Variants in OSBPL8 observed in about 807,000 individuals in gnomAD.
The protein encoded by OSBPL8 is oxysterol-binding protein-related protein 8.
Under a neutral mutation model 125.5 loss-of-function variants are expected in OSBPL8, and 59 were observed. The ratio of observed to expected loss-of-function variants is 0.47; its 90% CI spans 0.38 to 0.58. OSBPL8 has a LOEUF of 0.58. OSBPL8 is among the 20% of genes least tolerant of loss of function. The pLI, the probability that OSBPL8 is intolerant of heterozygous loss-of-function variation, is 0.00. For missense variants in OSBPL8, 758 were observed against 1,047.8 expected, an observed-to-expected ratio of 0.72 and a Z score of 3.82; for synonymous variants, 330 against 338.9, an observed-to-expected ratio of 0.97 and a Z score of 0.29.
chr12:76,528,433 T>A (rs1179659915), intron 1 of OSBPL8, among the ~76,000 whole-genome samples: 3 of 152,122 alleles, frequency 2.0e-5, no homozygotes, highest in Non-Finnish European at 2.9e-5. Flanking sequence ...AGAGTTAGTT[T>A]TGATTACCAG....
chr12:76,467,893 G>T lies in OSBPL8; in HGVS notation c.43-7998C>A, dbSNP rs150935356. 3.2e-3 allele frequency among the ~76,000 whole-genome samples: 494 copies of T among 152,248 alleles called. 8 individuals are homozygous for T. Among genetic ancestry groups the T allele is most frequent in the African/African-American group, 0.011 (450 of 41,528 alleles). On this transcript the variant is annotated intron_variant, in intron 2 of 23. Transcript: ENST00000261183. ...TACGGTTTATTCAACACTAAGATAAGTGATCTCCAGTCTACCCAACATTAC... is the reference window on the plus strand; with the variant it reads ...TACGGTTTATTCAACACTAAGATAATTGATCTCCAGTCTACCCAACATTAC...
At chr12:76,408,773 A>G (rs960474061) in intron 5 of OSBPL8, among the ~76,000 whole-genome samples, 3 of 152,138 alleles carry the variant, frequency 2.0e-5, no homozygotes, top group Admixed American at 2.0e-4. Flanking sequence ...GCATAGTTCT[A>G]AAGCTTGTGG....
At chr12:76,422,779 T>C in intron 4 of OSBPL8, 2 of 317,006 alleles carry the variant, frequency 6.3e-6, no homozygotes, top group South Asian at 5.6e-5. Context: ...AACACACACA[T>C]TTAACAGCAA....
chr12:76,550,585 G>C (rs1018845145), intron 1 of OSBPL8, among the ~76,000 whole-genome samples: 1 of 152,148 alleles, frequency 6.6e-6, no homozygotes, highest in Non-Finnish European at 1.5e-5. Flanking sequence ...AATAGCTGAT[G>C]AGCTTTAAAA....
chr12:76,411,305 A>G (rs928272455), intron 4 of OSBPL8, among the ~76,000 whole-genome samples: 1 of 152,156 alleles, frequency 6.6e-6, no homozygotes, highest in African/African-American at 2.4e-5. Flanking sequence ...ACAAAGGTAC[A>G]ATTATATTGA....
At chr12:76,371,273 T>C (rs1952608621) in intron 19 of OSBPL8, 175 bp downstream of exon 19, 2 of 603,104 alleles carry the variant, frequency 3.3e-6, no homozygotes, top group Non-Finnish European at 4.9e-6. Flanking sequence ...GCAAGACGAT[T>C]TATATTATAT....
chr12:76,378,962 G>A (rs1247013122), intron 15 of OSBPL8, among the ~76,000 whole-genome samples: 1 of 152,022 alleles, frequency 6.6e-6, no homozygotes, highest in Non-Finnish European at 1.5e-5. Context: ...TAGAGACAGG[G>A]TTTCCCCATG....
At chr12:76,443,521 T>A (rs1321214537) in intron 4 of OSBPL8, among the ~76,000 whole-genome samples, 1 of 152,090 alleles carries the variant, frequency 6.6e-6, no homozygotes, top group Non-Finnish European at 1.5e-5. Flanking sequence ...TCTTTTTCAT[T>A]TTTTTGAGAC....
intron 3 of OSBPL8, among the ~76,000 whole-genome samples, chr12:76,455,016 C>T (rs372646383): frequency 6.6e-6 from 1 of 151,348 alleles, no homozygotes; most frequent in African/African-American, 2.4e-5. Flanking sequence ...TGGTGGATCA[C>T]GAGGTCAGGA....
chr12:76,468,874 A>G (rs1303499615), intron 2 of OSBPL8, among the ~76,000 whole-genome samples: 1 of 152,246 alleles, frequency 6.6e-6, no homozygotes, highest in Non-Finnish European at 1.5e-5. Context: ...TACTACCTAC[A>G]TGTAGCTATT....
chr12:76,544,454 GAAC>G (rs1950729827), intron 1 of OSBPL8, among the ~76,000 whole-genome samples: 1 of 152,142 alleles, frequency 6.6e-6, no homozygotes, highest in Non-Finnish European at 1.5e-5. Flanking sequence ...AGTGTTTGTT[GAAC>G]AATAGTGATA....
intron 7 of OSBPL8, 79 bp downstream of exon 7, chr12:76,399,794 C>T (rs1953973086): frequency 2.8e-6 from 3 of 1,063,488 alleles, no homozygotes; most frequent in South Asian, 3.6e-5. Flanking sequence ...GTCTTGTAGG[C>T]GTTAGGTATA....
intron 1 of OSBPL8, among the ~76,000 whole-genome samples, chr12:76,525,289 A>C (rs1420279433): frequency 2.6e-5 from 4 of 152,234 alleles, no homozygotes; most frequent in Non-Finnish European, 5.9e-5. Context: ...ATATATGAAA[A>C]AGAGTAAACA....
intron 1 of OSBPL8, among the ~76,000 whole-genome samples, chr12:76,546,625 T>C (rs1376516089): frequency 6.6e-6 from 1 of 152,070 alleles, no homozygotes; most frequent in Non-Finnish European, 1.5e-5. Flanking sequence ...ATCAAAATTA[T>C]AAACATAATA....
intron 5 of OSBPL8, among the ~76,000 whole-genome samples, chr12:76,405,450 C>A (rs1331879644): frequency 6.6e-6 from 1 of 152,068 alleles, no homozygotes; most frequent in Non-Finnish European, 1.5e-5. Context: ...TAAAGTGAGA[C>A]CTTGCCTTAA....
intron 21 of OSBPL8, 29 bp downstream of exon 21, chr12:76,369,185 C>G (rs768937580): frequency 2.5e-6 from 4 of 1,592,576 alleles, no homozygotes; most frequent in Non-Finnish European, 3.4e-6. Context: ...GATTTATATA[C>G]CTAGTGTACC....
In OSBPL8 at chr12:76,395,347, C is replaced by A. The variant is rs1294138163; in HGVS notation, c.673-618G>T. ...CACCAATGCTAAACTTAGGTAGACACGAATCTGGAAAGAAAACTAAGTACT... is the reference window on the plus strand; with the variant it reads ...CACCAATGCTAAACTTAGGTAGACAAGAATCTGGAAAGAAAACTAAGTACT... On this transcript the variant is annotated intron_variant, in intron 8 of 23. Coordinates refer to ENST00000261183, the MANE Select transcript of OSBPL8 (RefSeq NM_020841.5). Among the ~76,000 whole-genome samples, 6 of 152,096 alleles carry A rather than the reference C, an allele frequency of 3.9e-5. No homozygotes were observed. The South Asian group carries it at 1.0e-3, about 26-fold the overall frequency.
intron 1 of OSBPL8, among the ~76,000 whole-genome samples, chr12:76,509,405 A>G (rs1880753629): frequency 6.6e-6 from 1 of 152,210 alleles, no homozygotes; most frequent in South Asian, 2.1e-4. Flanking sequence ...AAAATCTAAT[A>G]TAATGAGAGA....
At position 76,450,785 on chromosome 12, in the gene OSBPL8, C is replaced by T. The variant is rs564562754; in HGVS notation, c.217+66G>A. 158 of 1,438,076 alleles carry T rather than the reference C, an allele frequency of 1.1e-4. No individual in the cohort carries two copies. In the African/African-American group the frequency reaches 2.1e-3, roughly 19 times the overall value. The allele number at this position is 1,438,076 out of a possible 1,614,324, so 89.1% of individuals were successfully genotyped here. A position where few individuals can be genotyped will look rare whatever the true frequency, so the allele number is the denominator to read the frequency against. On this transcript the variant is annotated intron_variant, in intron 4 of 23. Coordinates refer to ENST00000261183, the MANE Select transcript of OSBPL8 (RefSeq NM_020841.5). ...AATATGATAGTCCCCAAATGTCATTCTCCCCTTCTCCCCTCCAAAAACAAA... is the reference window on the plus strand; with the variant it reads ...AATATGATAGTCCCCAAATGTCATTTTCCCCTTCTCCCCTCCAAAAACAAA...
Sources: gnomAD v4.1 joint callset for allele counts (sites outside exome capture counted in the v4.1 genomes callset) on GRCh38, gnomAD v4.1.1 for gene constraint, MANE v1.5 for transcripts, NCBI Gene and HGNC (gene_info 2026-07-23, HGNC 2026-07-21) for gene names.